The following C16orf96 variants were observed in gnomAD, a reference collection of about 807,000 sequenced individuals.
C16orf96 encodes the protein chromosome 16 open reading frame 96.
A neutral mutation model predicts 103.6 loss-of-function variants in C16orf96; 108 were observed. That is an observed-to-expected ratio of 1.04 (90% CI 0.89 to 1.22). C16orf96 has a LOEUF of 1.22. Ranked by LOEUF, C16orf96 falls within the 50% of genes most tolerant of loss-of-function variation. The pLI is 0.00. For synonymous variants in C16orf96, 566 were observed against 593.5 expected (o/e 0.95, Z 0.67); for missense variants, 1,586 against 1,464.2 (o/e 1.08, Z -1.36).
At position 4,562,859 on chromosome 16, in the gene C16orf96, C is replaced by G. The variant is rs2058031750; in HGVS notation, c.420+5950C>G. ...CAGTGTCAGAAATCTGTTCTGTCAG[C>G]TGGCTCCATTGTTCTGGATTTAAAG... On this transcript the variant is annotated intron_variant, in intron 1 of 15. Transcript: ENST00000444310. The G allele has an allele frequency of 3.6e-6, 5 of 1,380,384 alleles. No homozygotes were observed. In the Admixed American group the frequency reaches 7.0e-5, roughly 19 times the overall value. The allele number at this position is 1,380,384 out of a possible 1,614,324, so 85.5% of individuals were successfully genotyped here.
At chr16:4,568,932 C>G (rs1412133835) in intron 1 of C16orf96, among the ~76,000 whole-genome samples, 1 of 151,942 alleles carries the variant, frequency 6.6e-6, no homozygotes, top group Non-Finnish European at 1.5e-5. Context: ...ACCCAGGATA[C>G]TGTTCTTTTT....
intron 1 of C16orf96, among the ~76,000 whole-genome samples, chr16:4,559,634 A>G (rs1048471029): frequency 6.6e-6 from 1 of 152,158 alleles, no homozygotes; most frequent in Non-Finnish European, 1.5e-5. Context: ...TGGACATTAA[A>G]CACTGAATTA....
the C16orf96 span, among the ~76,000 whole-genome samples, chr16:4,547,693 T>TTCCTTCCTTCC: frequency 4.4e-4 from 14 of 31,998 alleles, no homozygotes; most frequent in African/African-American, 1.3e-3. Flanking sequence ...TCCTTCCTTC[T>TTCCTTCCTTCC]TTCTTTCTTT....
the C16orf96 span, among the ~76,000 whole-genome samples, chr16:4,545,154 A>G: frequency 6.6e-6 from 1 of 152,160 alleles, no homozygotes; most frequent in South Asian, 2.1e-4. Context: ...TGCTCTTCTG[A>G]ATCCTCTCCC....
At chr16:4,582,384 T>C (rs1269655608) in intron 7 of C16orf96, among the ~76,000 whole-genome samples, 5 of 152,068 alleles carry the variant, frequency 3.3e-5, no homozygotes, top group Non-Finnish European at 7.4e-5. Context: ...GTTGCTGGGA[T>C]GCACTGGGGT....
intron 7 of C16orf96, among the ~76,000 whole-genome samples, chr16:4,580,905 A>C (rs8052168): frequency 6.6e-6 from 1 of 151,542 alleles, no homozygotes; most frequent in Non-Finnish European, 1.5e-5. Context: ...TGGGCGGATC[A>C]TCTGAGATCG....
chr16:4,593,462 A>G lies in C16orf96; in HGVS notation c.2867+146A>G. The G allele has an allele frequency of 1.3e-6, 1 of 753,836 alleles. No individual in the cohort carries two copies. The highest frequency in any genetic ancestry group is 2.1e-6 in the Non-Finnish European group (1 of 465,468). The allele number at this position is 753,836 out of a possible 1,614,324, so 46.7% of individuals were successfully genotyped here. ...ATGGCCAGCCCTTCGCAAGACAGGC[A>G]CTCCGAGAGGTGGCTGGGGCGGCAG... is the stretch of plus-strand genomic sequence containing the variant. On this transcript the variant is annotated intron_variant, in intron 12 of 15. Coordinates refer to ENST00000444310, the MANE Select transcript of C16orf96 (RefSeq NM_001145011.2). The surrounding 1 kb of genome is among the most constrained non-coding windows in gnomAD (Gnocchi z 4.2).
At chr16:4,547,034 C>G in the C16orf96 span, among the ~76,000 whole-genome samples, 53 of 152,244 alleles carry the variant, frequency 3.5e-4, no homozygotes, top group African/African-American at 1.3e-3. Context: ...AAGCTATCCT[C>G]CTGCCGCTGC....
At position 4,600,342 on chromosome 16, in the gene C16orf96, C is replaced by T. The variant is rs1396038484; in HGVS notation, c.*25C>T. On this transcript the variant is annotated 3_prime_UTR_variant, in exon 16 of 16. Coordinates refer to ENST00000444310, the MANE Select transcript of C16orf96 (RefSeq NM_001145011.2). Reference sequence around the variant, plus strand: ...AGCCCCACCCCGCTGCGCCCCCCATCGCCAAGTCCCCTCCACGTCCGAGGC... The same window carrying T: ...AGCCCCACCCCGCTGCGCCCCCCATTGCCAAGTCCCCTCCACGTCCGAGGC... 6.0e-6 allele frequency: 9 copies of T among 1,491,436 alleles called. No homozygotes were observed. In the East Asian group the frequency reaches 7.4e-5, roughly 12 times the overall value. 92.4% of individuals were successfully genotyped at this position (1,491,436 alleles called of 1,614,324 possible).
chr16:4,580,213 G>A, intron 7 of C16orf96, 88 bp downstream of exon 7: 1 of 1,043,036 alleles, frequency 9.6e-7, no homozygotes, highest in Non-Finnish European at 1.3e-6. Context: ...GGTTCTGCAT[G>A]AGGTGGGGAT....
At position 4,576,440 on chromosome 16, in the gene C16orf96, G is replaced by T; in HGVS notation, c.1960G>T (p.Ala654Ser). ...IYEILSPSYS[A>S]ASIGPDPALS... ...CGAAATCCTCTCTCCCTCCTACTCT[G>T]CTGCCAGCATCGGTCCCGATCCAGC... The change falls in exon 5 of 16, where the codon GCT (alanine) becomes TCT (serine). Residue 654 changes from alanine (A) to serine (S), a missense_variant. Physicochemically the swap from Ala to Ser is moderately conservative, Grantham distance 99. Transcript: ENST00000444310. 1 of 1,551,302 alleles carries T rather than the reference G, an allele frequency of 6.4e-7. No individual in the cohort carries two copies. Among genetic ancestry groups the T allele is most frequent in the Non-Finnish European group, 8.7e-7 (1 of 1,147,006 alleles).
the C16orf96 span, among the ~76,000 whole-genome samples, chr16:4,545,453 A>C: frequency 6.6e-6 from 1 of 152,130 alleles, no homozygotes; most frequent in African/African-American, 2.4e-5. Context: ...TGGCCTCCCA[A>C]AGTGCTGGGA....
At chr16:4,570,120 T>G (rs2059421876) in intron 1 of C16orf96, among the ~76,000 whole-genome samples, 1 of 152,204 alleles carries the variant, frequency 6.6e-6, no homozygotes, top group South Asian at 2.1e-4. Context: ...TTTTATTTTA[T>G]TTTTGAATTA....
Position 4,600,291 on chromosome 16 carries a change from C to A in C16orf96, c.3400C>A (p.Pro1134Thr). Reference sequence around the variant, plus strand: ...CATTGAGTCCCGAGTCGGCAGGAAGCCCCCCGAGGAGCCCGCCAACCCGTG... The same window carrying A: ...CATTGAGTCCCGAGTCGGCAGGAAGACCCCCGAGGAGCCCGCCAACCCGTG... ...PHIESRVGRK[P>T]PEEPANP The change falls in exon 16 of 16, where the codon CCC (proline) becomes ACC (threonine). Residue 1134 changes from proline to threonine, a missense_variant. Pro to Thr is a conservative substitution (Grantham distance 38). Coordinates refer to ENST00000444310, the MANE Select transcript of C16orf96 (RefSeq NM_001145011.2). 3 of 1,550,346 alleles carry A rather than the reference C, an allele frequency of 1.9e-6. No individual in the cohort carries two copies. The highest frequency in any genetic ancestry group is 1.7e-6 in the Non-Finnish European group (2 of 1,146,796).
intron 7 of C16orf96, among the ~76,000 whole-genome samples, chr16:4,581,860 G>A (rs928306996): frequency 2.0e-5 from 3 of 152,104 alleles, no homozygotes; most frequent in African/African-American, 7.2e-5. Flanking sequence ...GGAGGCTGAG[G>A]TGGGAGGATT....
Position 4,575,803 on chromosome 16 carries a change from TCAGTCTCG to T in C16orf96, c.1325_1332del (p.Gln442ProfsTer18). ...TGTGGCCTCGACCACTCCAGCCATA[TCAGTCTCG>T]CCAGGGAGAAGCCCTCCAGCTCGCA... On this transcript the variant is annotated frameshift_variant, in exon 5 of 16. Transcript: ENST00000444310. LOFTEE classifies it high-confidence loss of function. 6.4e-7 allele frequency: 1 copy of T among 1,551,108 alleles called. No homozygotes were observed. Among genetic ancestry groups the T allele is most frequent in the South Asian group, 1.2e-5 (1 of 84,062 alleles).
In C16orf96 at chr16:4,556,827, G is replaced by C; in HGVS notation, c.338G>C (p.Gly113Ala). 6.4e-7 allele frequency: 1 copy of C among 1,551,658 alleles called. No individual in the cohort carries two copies. The change falls in exon 1 of 16, where the codon GGC becomes GCC. Residue 113 changes from glycine to alanine, a missense_variant. Coordinates refer to ENST00000444310, the MANE Select transcript of C16orf96 (RefSeq NM_001145011.2). ...GCCCAGCTGCTGGAAGCCAGCCAGG[G>C]CACTGCCCGGCCCGTCCAGGACCTG... Reference protein sequence around the residue: ...STAQLLEASQGTARPVQDLWH... With the variant: ...STAQLLEASQATARPVQDLWH...
the C16orf96 span, among the ~76,000 whole-genome samples, chr16:4,546,401 G>T: frequency 6.7e-6 from 1 of 150,108 alleles, no homozygotes; most frequent in Admixed American, 6.7e-5. Flanking sequence ...CTCGTGATCT[G>T]CCTGCCTCGG....
upstream of C16orf96, among the ~76,000 whole-genome samples, chr16:4,552,056 T>G (rs1368903659): frequency 6.6e-6 from 1 of 152,206 alleles, no homozygotes; most frequent in African/African-American, 2.4e-5. Context: ...GATGATAGTT[T>G]ACAGCTTCAT....
Sources: gnomAD v4.1 joint callset for allele counts (sites outside exome capture counted in the v4.1 genomes callset) on GRCh38, gnomAD v4.1.1 for gene constraint, Gnocchi (gnomAD v3.1) non-coding constraint, MANE v1.5 for transcripts, NCBI Gene and HGNC (gene_info 2026-07-23, HGNC 2026-07-21) for gene names.